Variants in SERF2 observed in about 807,000 individuals in gnomAD.
SERF2 encodes the protein small EDRK-rich factor 2.
Under a neutral mutation model 10.7 loss-of-function variants are expected in SERF2, and 4 were observed. The ratio of observed to expected loss-of-function variants is 0.37; its 90% confidence interval spans 0.18 to 0.86. SERF2 has a LOEUF of 0.86. Ranked by LOEUF, SERF2 falls within the 40% of genes least tolerant of loss-of-function variation. The pLI, the probability that SERF2 is intolerant of heterozygous loss-of-function variation, is 0.43. For missense variants in SERF2, 47 were observed against 79.1 expected (o/e 0.59, Z 1.54); for synonymous variants, 26 against 26.0 (o/e 1.00, Z 0.01).
chr15:43,785,599 A>T (rs2087000072), intron 2 of SERF2: 2 of 151,760 alleles, frequency 1.3e-5, no homozygotes, highest in Admixed American at 1.3e-4. Flanking sequence ...ATTGTTGTTC[A>T]ATACCCTCTC....
At chr15:43,780,435 C>T (rs1173482549) in intron 1 of SERF2, among the ~76,000 whole-genome samples, 1 of 152,208 alleles carries the variant, frequency 6.6e-6, no homozygotes, top group African/African-American at 2.4e-5. Context: ...AGCCACCGCG[C>T]CCTGCGATCT....
chr15:43,792,672 A>G, intron 1 of SERF2: 2 of 1,312,510 alleles, frequency 1.5e-6, no homozygotes, highest in Non-Finnish European at 2.0e-6. Context: ...AAGCCAGCCC[A>G]TCCCCCACGG....
intron 1 of SERF2, 194 bp downstream of exon 1, chr15:43,792,577 G>A: frequency 6.8e-7 from 1 of 1,467,680 alleles, no homozygotes; most frequent in Admixed American, 2.4e-5. Context: ...CCACCCTCCC[G>A]GGTTAGGCAT....
At chr15:43,777,158 A>G (rs1442544499) in exon 1 of SERF2, 3 of 666,836 alleles carry the variant, frequency 4.5e-6, no homozygotes, top group Non-Finnish European at 8.4e-6. Context: ...GCTTTGGGCT[A>G]TCGGAAGAGC....
At chr15:43,793,629 T>G in intron 2 of SERF2, 81 bp from the exon 3 acceptor site, 1 of 1,612,494 alleles carries the variant, frequency 6.2e-7, no homozygotes, top group Non-Finnish European at 8.5e-7. Context: ...TTCCATCTTA[T>G]CCTTTGTGCC....
upstream of SERF2, among the ~76,000 whole-genome samples, chr15:43,789,147 TAAA>T (rs59711546): frequency 4.7e-5 from 6 of 127,538 alleles, no homozygotes; most frequent in Non-Finnish European, 3.4e-5. Flanking sequence ...AGACTCTGTC[TAAA>T]AAAAAAAAAA....
chr15:43,789,539 G>A (rs1479385946), upstream of SERF2, among the ~76,000 whole-genome samples: 1 of 152,116 alleles, frequency 6.6e-6, no homozygotes, highest in South Asian at 2.1e-4. Flanking sequence ...CATAGCACCA[G>A]CAGTACTATT....
In SERF2 at chr15:43,795,204, T is replaced by C. The variant is rs934641539; in HGVS notation, c.*1431T>C. The C allele has an allele frequency of 2.5e-6, 4 of 1,613,936 alleles. No homozygotes were observed. In the African/African-American group the frequency reaches 4.0e-5, roughly 16 times the overall value. On this transcript the variant is annotated 3_prime_UTR_variant, in exon 3 of 3. Coordinates refer to ENST00000249786, the MANE Select transcript of SERF2 (RefSeq NM_001018108.4). ...TGATGAAGGTCTTTTCCAGTTCTGC[T>C]CCCTCATAGCTGTGTAACCAAAGGC...
intron 2 of SERF2, 150 bp from the exon 3 acceptor site, chr15:43,793,560 C>T (rs1030020778): frequency 3.3e-6 from 5 of 1,520,084 alleles, no homozygotes; most frequent in African/African-American, 1.4e-5. Context: ...CAGCTCTCTT[C>T]CTCTTGTTCT....
chr15:43,794,947 T>C lies in SERF2; in HGVS notation c.*1174T>C. On this transcript the variant is annotated 3_prime_UTR_variant, in exon 3 of 3. Coordinates refer to ENST00000249786, the MANE Select transcript of SERF2 (RefSeq NM_001018108.4). ...TTGAGCTGGGCTGGACAGCTCCCCTTGAGCCAACTCTAGGAGTACAATGTC... is the reference window on the plus strand; with the variant it reads ...TTGAGCTGGGCTGGACAGCTCCCCTCGAGCCAACTCTAGGAGTACAATGTC... The C allele has an allele frequency of 1.4e-6, 2 of 1,448,166 alleles. No homozygotes were observed. Among genetic ancestry groups the C allele is most frequent in the African/African-American group, 1.4e-5 (1 of 71,352 alleles). The allele number at this position is 1,448,166 out of a possible 1,614,324, so 89.7% of individuals were successfully genotyped here. A position where few individuals can be genotyped will look rare whatever the true frequency, so the allele number is the denominator to read the frequency against.
At chr15:43,789,182 A>AC (rs1242639233), upstream of SERF2, among the ~76,000 whole-genome samples, 6 of 151,784 alleles carry the variant, frequency 4.0e-5, no homozygotes, top group East Asian at 1.2e-3. Flanking sequence ...CACTAAATGT[A>AC]CCAAATAAAA....
chr15:43,779,791 C>T (rs1383038026), intron 1 of SERF2, among the ~76,000 whole-genome samples: 2 of 152,122 alleles, frequency 1.3e-5, no homozygotes, highest in African/African-American at 4.8e-5. Flanking sequence ...CCATGCTCAG[C>T]CAAAATTACA....
Position 43,792,633 on chromosome 15 carries a change from C to T in SERF2, c.7+250C>T, listed in dbSNP as rs1005810379. On this transcript the variant is annotated intron_variant, in intron 1 of 2. Transcript: ENST00000249786. ...CGGTGTAAGGAGAAGGCCAGCGCCC[C>T]TGTGATAGGCCCAGAGCCCCCACTC... is the stretch of plus-strand genomic sequence containing the variant. The T allele has an allele frequency of 2.1e-6, 3 of 1,414,148 alleles. No individual in the cohort carries two copies. In the South Asian group the frequency reaches 4.5e-5, roughly 21 times the overall value. The allele number at this position is 1,414,148 out of a possible 1,614,324, so 87.6% of individuals were successfully genotyped here. A position where few individuals can be genotyped will look rare whatever the true frequency, so the allele number is the denominator to read the frequency against.
intron 1 of SERF2, among the ~76,000 whole-genome samples, chr15:43,778,698 G>A (rs530664051): frequency 2.0e-5 from 3 of 148,762 alleles, no homozygotes; most frequent in East Asian, 2.0e-4. Flanking sequence ...TCAGGAGTTC[G>A]AGACCACCCA....
At chr15:43,784,031 C>T (rs1283321143) in intron 1 of SERF2, among the ~76,000 whole-genome samples, 1 of 147,886 alleles carries the variant, frequency 6.8e-6, no homozygotes, top group Non-Finnish European at 1.5e-5. Context: ...GATCCGCCCA[C>T]CTTGGCCTCC....
At chr15:43,787,873 G>GTTTTT (rs76113372), upstream of SERF2, among the ~76,000 whole-genome samples, 2 of 118,222 alleles carry the variant, frequency 1.7e-5, no homozygotes, top group Non-Finnish European at 3.5e-5. Flanking sequence ...TAGATTTTTA[G>GTTTTT]TTTTTTTTTT....
In SERF2 at chr15:43,794,970, G is replaced by A. The variant is rs1480953146; in HGVS notation, c.*1197G>A. The A allele has an allele frequency of 1.3e-6, 2 of 1,563,430 alleles. No homozygotes were observed. Among genetic ancestry groups the A allele is most frequent in the South Asian group, 1.1e-5 (1 of 87,118 alleles). ...CTTGAGCCAACTCTAGGAGTACAATGTCAGGGGAACCCCAGTTTGTGAAAA... is the reference window on the plus strand; with the variant it reads ...CTTGAGCCAACTCTAGGAGTACAATATCAGGGGAACCCCAGTTTGTGAAAA... On this transcript the variant is annotated 3_prime_UTR_variant, in exon 3 of 3. Transcript: ENST00000249786.
intron 1 of SERF2, among the ~76,000 whole-genome samples, chr15:43,782,860 T>G (rs2086975067): frequency 6.6e-6 from 1 of 152,106 alleles, no homozygotes; most frequent in Non-Finnish European, 1.5e-5. Flanking sequence ...TTTTCTTTTT[T>G]TTGAGATGGA....
At position 43,795,249 on chromosome 15, in the gene SERF2, G is replaced by A. The variant is rs774329869; in HGVS notation, c.*1476G>A. 3 of 1,607,844 alleles carry A rather than the reference G, an allele frequency of 1.9e-6. No homozygotes were observed. In the African/African-American group the frequency reaches 4.0e-5, roughly 22 times the overall value. On this transcript the variant is annotated 3_prime_UTR_variant, in exon 3 of 3. Coordinates refer to ENST00000249786, the MANE Select transcript of SERF2 (RefSeq NM_001018108.4). ...AAAGGCTCTGGTTAGAGAATATGAA[G>A]GGCCTTAGCTTTTAGACCTGTTCTA...
Sources: allele counts gnomAD v4.1 joint callset (sites outside exome capture counted in the v4.1 genomes callset), GRCh38; gene constraint gnomAD v4.1.1; transcripts MANE v1.5; gene names NCBI Gene and HGNC (gene_info 2026-07-23, HGNC 2026-07-21).